Variants in L3MBTL4 observed in about 807,000 individuals in gnomAD.
L3MBTL4 encodes lethal(3)malignant brain tumor-like protein 4.
Under a neutral mutation model 84.5 loss-of-function variants are expected in L3MBTL4, and 70 were observed. The ratio of observed to expected loss-of-function variants is 0.83; its 90% CI spans 0.68 to 1.01. The LOEUF (loss-of-function observed/expected upper bound fraction) is 1.01, where lower values mean the gene tolerates loss of function less well. Ranked by LOEUF, L3MBTL4 falls within the 50% of genes least tolerant of loss-of-function variation. The pLI is 0.00. For synonymous variants in L3MBTL4, 274 were observed against 259.8 expected (o/e 1.05, Z -0.52); for missense variants, 715 against 754.8 (o/e 0.95, Z 0.62).
intron 1 of L3MBTL4, among the ~76,000 whole-genome samples, chr18:6,394,265 C>G (rs573249809): frequency 6.6e-6 from 1 of 152,014 alleles, no homozygotes; most frequent in African/African-American, 2.4e-5. Context: ...GTCAGGAGTT[C>G]GAGACCAGCC....
chr18:6,089,994 A>C (rs1164934030), intron 15 of L3MBTL4, among the ~76,000 whole-genome samples: 2 of 152,210 alleles, frequency 1.3e-5, no homozygotes, highest in Admixed American at 1.3e-4. Flanking sequence ...TCCAAAGGTT[A>C]TGTATGTGCA....
intron 15 of L3MBTL4, among the ~76,000 whole-genome samples, chr18:6,087,706 G>A (rs1483004754): frequency 6.6e-6 from 1 of 152,148 alleles, no homozygotes; most frequent in African/African-American, 2.4e-5. Context: ...TGGTGTTGAG[G>A]TGTGTGATAT....
At chr18:6,400,411 G>C (rs375018696) in intron 1 of L3MBTL4, among the ~76,000 whole-genome samples, 23 of 152,080 alleles carry the variant, frequency 1.5e-4, no homozygotes, top group East Asian at 7.7e-4. Flanking sequence ...CCATGGGTTA[G>C]GTGTGTTTTT....
At chr18:6,335,008 T>C (rs919189883) in intron 1 of L3MBTL4, among the ~76,000 whole-genome samples, 3 of 152,208 alleles carry the variant, frequency 2.0e-5, no homozygotes, top group Admixed American at 2.0e-4. Context: ...GAACCGTTAA[T>C]GGTTTACCTT....
intron 13 of L3MBTL4, among the ~76,000 whole-genome samples, chr18:6,150,342 A>G (rs1208590652): frequency 6.6e-6 from 1 of 152,100 alleles, no homozygotes; most frequent in African/African-American, 2.4e-5. Context: ...AACTAGCCTA[A>G]CAGGGCCACA....
At chr18:6,113,149 T>G (rs548085698) in intron 14 of L3MBTL4, among the ~76,000 whole-genome samples, 1 of 152,248 alleles carries the variant, frequency 6.6e-6, no homozygotes, top group African/African-American at 2.4e-5. Context: ...TCAGGGATGA[T>G]AACATTATAA....
At chr18:6,165,074 G>C (rs146282403) in intron 13 of L3MBTL4, among the ~76,000 whole-genome samples, 1 of 152,026 alleles carries the variant, frequency 6.6e-6, no homozygotes, top group Non-Finnish European at 1.5e-5. Context: ...TGGAAGAAAG[G>C]GTATCAGCAA....
At chr18:6,096,174 A>T (rs2058638035) in intron 14 of L3MBTL4, among the ~76,000 whole-genome samples, 1 of 151,990 alleles carries the variant, frequency 6.6e-6, no homozygotes, top group South Asian at 2.1e-4. Flanking sequence ...GCATCTGTAG[A>T]CAGCTACCAC....
chr18:5,955,977 C>T lies in L3MBTL4; in HGVS notation c.*243G>A, dbSNP rs1032648069. ...GTCTTGCAAACAAATCAGAGCTGAG[C>T]GGATCCCACCAAAGATAACAATGTT... On this transcript the variant is annotated 3_prime_UTR_variant, in exon 19 of 19. Transcript: ENST00000317931. 4.7e-6 allele frequency: 2 copies of T among 425,984 alleles called. No individual in the cohort carries two copies. Among genetic ancestry groups the T allele is most frequent in the Non-Finnish European group, 4.2e-6 (1 of 239,564 alleles). The allele number at this position is 425,984 out of a possible 1,614,324, so 26.4% of individuals were successfully genotyped here.
chr18:5,958,107 AAG>A (rs1368996851), intron 18 of L3MBTL4, among the ~76,000 whole-genome samples: 1 of 71,738 alleles, frequency 1.4e-5, no homozygotes, highest in African/African-American at 8.9e-5. Context: ...GAAGAAGAAG[AAG>A]AAGAAGAAGA....
At chr18:6,057,892 T>C (rs1162159265) in intron 16 of L3MBTL4, among the ~76,000 whole-genome samples, 1 of 152,242 alleles carries the variant, frequency 6.6e-6, no homozygotes, top group Non-Finnish European at 1.5e-5. Flanking sequence ...AAGCCTATTT[T>C]CATATGGTAT....
chr18:6,347,347 C>T (rs11875989), intron 1 of L3MBTL4, among the ~76,000 whole-genome samples: 19 of 149,878 alleles, frequency 1.3e-4, no homozygotes, highest in African/African-American at 4.7e-4. Flanking sequence ...TTCTTACCCC[C>T]AAAAAAGAAG....
At chr18:6,218,555 G>A (rs2046420034) in intron 10 of L3MBTL4, among the ~76,000 whole-genome samples, 2 of 152,186 alleles carry the variant, frequency 1.3e-5, no homozygotes, top group African/African-American at 4.8e-5. Context: ...ATGCTACTGT[G>A]AGAGTCACTA....
intron 15 of L3MBTL4, among the ~76,000 whole-genome samples, chr18:6,092,289 C>T (rs1489069710): frequency 6.6e-6 from 1 of 152,106 alleles, no homozygotes; most frequent in Non-Finnish European, 1.5e-5. Flanking sequence ...GATGTAAAAC[C>T]CATGTGAAAA....
At chr18:6,031,056 A>G (rs562629575) in intron 16 of L3MBTL4, 142 of 985,286 alleles carry the variant, frequency 1.4e-4, no homozygotes, top group Non-Finnish European at 1.6e-4. Context: ...TGCTCCATAA[A>G]ACACTTAATA....
chr18:6,191,747 G>A (rs2045103853), intron 12 of L3MBTL4, among the ~76,000 whole-genome samples: 1 of 152,144 alleles, frequency 6.6e-6, no homozygotes, highest in Non-Finnish European at 1.5e-5. Context: ...CCAACACTTT[G>A]GAGGCTGTGG....
rs2059920361 is a variant in L3MBTL4 at position 6,133,003 on chromosome 18, G to A, written c.1199+5191C>T. Among the ~76,000 whole-genome samples, 3 of 152,304 alleles carry A rather than the reference G, an allele frequency of 2.0e-5. No homozygotes were observed. In the South Asian group the frequency reaches 6.2e-4, roughly 32 times the overall value. On this transcript the variant is annotated intron_variant, in intron 14 of 18. Transcript: ENST00000317931. ...TCCACGGGAGGGGTATCAGCAGAGAGCTCTAAGGGACAGACAAATTGCAAT... is the reference window on the plus strand; with the variant it reads ...TCCACGGGAGGGGTATCAGCAGAGAACTCTAAGGGACAGACAAATTGCAAT...
intron 10 of L3MBTL4, among the ~76,000 whole-genome samples, chr18:6,218,154 C>T (rs989179168): frequency 6.6e-6 from 1 of 152,090 alleles, no homozygotes; most frequent in African/African-American, 2.4e-5. Flanking sequence ...GCTGCCCGGG[C>T]TGGAATGCGG....
At chr18:6,401,537 A>G (rs2144652933) in intron 1 of L3MBTL4, among the ~76,000 whole-genome samples, 1 of 152,348 alleles carries the variant, frequency 6.6e-6, no homozygotes, top group African/African-American at 2.4e-5. Flanking sequence ...TAGAATGCAA[A>G]GTACAGCTTA....
Sources: allele counts gnomAD v4.1 joint callset (sites outside exome capture counted in the v4.1 genomes callset), GRCh38; gene constraint gnomAD v4.1.1; transcripts MANE v1.5; gene names NCBI Gene and HGNC (gene_info 2026-07-23, HGNC 2026-07-21).